Variants in ONECUT2 observed in about 807,000 individuals in gnomAD.
The protein encoded by ONECUT2 is one cut homeobox 2.
Under a neutral mutation model 27.9 loss-of-function variants are expected in ONECUT2, and 10 were observed. The observed-to-expected ratio is 0.36, with a 90% confidence interval of 0.22 to 0.61. The LOEUF is 0.61. Among genes scored for constraint, ONECUT2 ranks in the 20% least tolerant of loss-of-function variants. The probability of loss-of-function intolerance (pLI) is 0.73; values close to 1 mark genes in which losing one functional copy is unlikely to be tolerated. For missense variants in ONECUT2, 686 were observed against 721.0 expected (o/e 0.95, Z 0.56); for synonymous variants, 334 against 315.1 (o/e 1.06, Z -0.64).
Position 57,486,147 on chromosome 18 carries a change from G to C in ONECUT2, c.*9424G>C. 1 of 152,838 alleles carries C rather than the reference G, an allele frequency of 6.5e-6. No individual in the cohort carries two copies. Among genetic ancestry groups the C allele is most frequent in the Non-Finnish European group, 1.5e-5 (1 of 68,202 alleles). The allele number at this position is 152,838 out of a possible 1,614,324, so 9.5% of individuals were successfully genotyped here. A position where few individuals can be genotyped will look rare whatever the true frequency, so the allele number is the denominator to read the frequency against. ...TCCCCACTTGGCAGACCTCTCCTCA[G>C]CAATCCCCCCAGCCTCATGCTTCAC... On this transcript the variant is annotated 3_prime_UTR_variant, in exon 2 of 2. Coordinates refer to ENST00000491143, the MANE Select transcript of ONECUT2 (RefSeq NM_004852.3).
chr18:57,490,211 G>C lies in ONECUT2; in HGVS notation c.*13488G>C, dbSNP rs2050458319. The C allele has an allele frequency of 6.6e-6, 1 of 152,070 alleles. No homozygotes were observed. Among genetic ancestry groups the C allele is most frequent in the African/African-American group, 2.4e-5 (1 of 41,394 alleles). The allele number at this position is 152,070 out of a possible 1,614,324, so 9.4% of individuals were successfully genotyped here. On this transcript the variant is annotated 3_prime_UTR_variant, in exon 2 of 2. Transcript: ENST00000491143. ...GATACTGTAGATCCTTCCTTGGTCAGTGAATTATTACAAGAGGAGCTATCC... is the reference window on the plus strand; with the variant it reads ...GATACTGTAGATCCTTCCTTGGTCACTGAATTATTACAAGAGGAGCTATCC...
At chr18:57,460,910 C>T (rs112800809) in intron 1 of ONECUT2, among the ~76,000 whole-genome samples, 1 of 152,072 alleles carries the variant, frequency 6.6e-6, no homozygotes, top group African/African-American at 2.4e-5. Flanking sequence ...AGGCTGGTCT[C>T]AAATGCCTGA....
intron 1 of ONECUT2, among the ~76,000 whole-genome samples, chr18:57,462,565 T>C (rs990756367): frequency 2.0e-5 from 3 of 151,874 alleles, no homozygotes; most frequent in African/African-American, 7.3e-5. Context: ...CTTCTTAAAA[T>C]TGTTTTTTGT....
rs186386413 is a variant in ONECUT2 at position 57,436,268 on chromosome 18, C to G, written c.552C>G (p.His184Gln). ...CGCACCACCACCACCACCACCACCACCAGCGCCTGTCCGGCAACGTCAGCG... is the reference window on the plus strand; with the variant it reads ...CGCACCACCACCACCACCACCACCAGCAGCGCCTGTCCGGCAACGTCAGCG... Reference protein sequence around the residue: ...HHPHHHHHHHHQRLSGNVSGS... With the variant: ...HHPHHHHHHHQQRLSGNVSGS... Residue 184 changes from histidine to glutamine, a missense_variant, in exon 1 of 2, where the codon CAC becomes CAG. His to Gln is a conservative substitution (Grantham distance 24). Around this residue, in one of 4 missense-constraint regions of ONECUT2, gnomAD observed 511 missense variants for 488.1 expected, o/e 1.05. Transcript: ENST00000491143. This position sits in a 1 kb window ranked among gnomAD's most constrained non-coding sequence, Gnocchi z 5.9. 17 of 1,603,098 alleles carry G rather than the reference C, an allele frequency of 1.1e-5. 1 individual carries two copies. Among genetic ancestry groups the G allele is most frequent in the African/African-American group, 4.0e-5 (3 of 74,944 alleles).
rs751318843 is a variant in ONECUT2, at chr18:57,436,728, G to T, written c.1012G>T (p.Val338Leu). 16 of 1,613,928 alleles carry T rather than the reference G, an allele frequency of 9.9e-6. No homozygotes were observed. Among genetic ancestry groups the T allele is most frequent in the Non-Finnish European group, 1.3e-5 (15 of 1,180,042 alleles). Reference sequence around the variant, plus strand: ...GCTGGAAGAAATCAACACCAAAGAGGTGGCCCAGCGCATCACAGCGGAGCT... The same window carrying T: ...GCTGGAAGAAATCAACACCAAAGAGTTGGCCCAGCGCATCACAGCGGAGCT... The part of the protein sequence containing the change: ...GQLEEINTKE[V>L]AQRITAELKR... Residue 338 changes from valine (V) to leucine (L), a missense_variant, in exon 1 of 2, where the codon GTG (valine) becomes TTG (leucine). Physicochemically the swap from Val to Leu is conservative, Grantham distance 32. Coordinates refer to ENST00000491143, the MANE Select transcript of ONECUT2 (RefSeq NM_004852.3). This position sits in a 1 kb window ranked among gnomAD's most constrained non-coding sequence, Gnocchi z 5.9.
chr18:57,435,651 C>A lies in ONECUT2; in HGVS notation c.-66C>A. 2.0e-6 allele frequency: 2 copies of A among 1,000,478 alleles called. No individual in the cohort carries two copies. The highest frequency in any genetic ancestry group is 2.4e-6 in the Non-Finnish European group (2 of 836,222). 62.0% of individuals were successfully genotyped at this position (1,000,478 alleles called of 1,614,324 possible). A position where few individuals can be genotyped will look rare whatever the true frequency, so the allele number is the denominator to read the frequency against. ...CCACTCCCGCAGCCGAGCCCCGCCACGCGCGCCTTGCCCGCCCGCCGGCCG... is the reference window on the plus strand; with the variant it reads ...CCACTCCCGCAGCCGAGCCCCGCCAAGCGCGCCTTGCCCGCCCGCCGGCCG... On this transcript the variant is annotated 5_prime_UTR_variant, in exon 1 of 2. Transcript: ENST00000491143.
At chr18:57,438,976 C>T (rs1238889780) in intron 1 of ONECUT2, among the ~76,000 whole-genome samples, 1 of 152,070 alleles carries the variant, frequency 6.6e-6, no homozygotes, top group Non-Finnish European at 1.5e-5. Flanking sequence ...GCACCGGGGA[C>T]CAGAAGGAAC....
chr18:57,476,985 G>C lies in ONECUT2; in HGVS notation c.*262G>C. 2.1e-6 allele frequency: 1 copy of C among 471,002 alleles called. No individual in the cohort carries two copies. Among genetic ancestry groups the C allele is most frequent in the Non-Finnish European group, 3.8e-6 (1 of 266,126 alleles). 29.2% of individuals were successfully genotyped at this position (471,002 alleles called of 1,614,324 possible). On this transcript the variant is annotated 3_prime_UTR_variant, in exon 2 of 2. Coordinates refer to ENST00000491143, the MANE Select transcript of ONECUT2 (RefSeq NM_004852.3). The stretch of plus-strand genomic sequence containing the variant: ...AGACACTGTTCTCTGAGCATGCTAA[G>C]CATCCCAGAAACCCAAATGGGGCCT...
Position 57,435,771 on chromosome 18 carries a change from GC to G in ONECUT2, c.57del (p.Met20Ter). 2 of 1,267,132 alleles carry G rather than the reference GC, an allele frequency of 1.6e-6. No individual in the cohort carries two copies. The highest frequency in any genetic ancestry group is 2.1e-6 in the Non-Finnish European group (2 of 971,834). 78.5% of individuals were successfully genotyped at this position (1,267,132 alleles called of 1,614,324 possible). A position where few individuals can be genotyped will look rare whatever the true frequency, so the allele number is the denominator to read the frequency against. On this transcript the variant is annotated frameshift_variant, in exon 1 of 2. Transcript: ENST00000491143. LOFTEE classifies it high-confidence loss of function. ...CCTCACCAAAGACCTAGAAGGCTGC[GC>G]CATGAACCCGGAGCTGACAATGGAA... ...RCLTKDLEGC[A>X]MNPELTMESL...
chr18:57,465,536 T>C (rs1226052262), intron 1 of ONECUT2, among the ~76,000 whole-genome samples: 2 of 152,280 alleles, frequency 1.3e-5, no homozygotes, highest in Non-Finnish European at 2.9e-5. Flanking sequence ...AATAATTTTC[T>C]GTTCCTGTTT....
intron 1 of ONECUT2, among the ~76,000 whole-genome samples, chr18:57,458,630 A>G (rs2050273094): frequency 6.6e-6 from 1 of 152,166 alleles, no homozygotes; most frequent in Admixed American, 6.5e-5. Context: ...TTGATGGGCA[A>G]TTAGGCTGTT....
In ONECUT2 at chr18:57,436,468, C is replaced by G; in HGVS notation, c.752C>G (p.Pro251Arg). The part of the protein sequence containing the change: ...NAQQSLPNYG[P>R]PGHDKMLSPN... ...CAGCAGAGTCTGCCCAACTACGGTC[C>G]GCCGGGCCACGACAAAATGCTCAGC... Residue 251 changes from proline to arginine, a missense_variant, in exon 1 of 2, where the codon CCG (proline) becomes CGG (arginine). Around this residue, in one of 4 missense-constraint regions of ONECUT2, gnomAD observed 511 missense variants for 488.1 expected, o/e 1.05. Coordinates refer to ENST00000491143, the MANE Select transcript of ONECUT2 (RefSeq NM_004852.3). This position sits in a 1 kb window ranked among gnomAD's most constrained non-coding sequence, Gnocchi z 5.9. 1.2e-6 allele frequency: 2 copies of G among 1,613,162 alleles called. No individual in the cohort carries two copies. The highest frequency in any genetic ancestry group is 1.7e-6 in the Non-Finnish European group (2 of 1,179,820).
At chr18:57,475,059 T>TC (rs997543758) in intron 1 of ONECUT2, among the ~76,000 whole-genome samples, 14 of 148,188 alleles carry the variant, frequency 9.4e-5, no homozygotes, top group African/African-American at 3.5e-4. Context: ...TCAAGTGATT[T>TC]TTTTTTTTTT....
In ONECUT2 at chr18:57,490,455, A is replaced by C. The variant is rs1439654614; in HGVS notation, c.*13732A>C. 1 of 152,238 alleles carries C rather than the reference A, an allele frequency of 6.6e-6. No homozygotes were observed. The highest frequency in any genetic ancestry group is 1.5e-5 in the Non-Finnish European group (1 of 68,054). The allele number at this position is 152,238 out of a possible 1,614,324, so 9.4% of individuals were successfully genotyped here. ...GACTGCTTGATGGTATTGAAAGGTG[A>C]CTATAATGAGGGAAGAAAGGAGGAG... On this transcript the variant is annotated 3_prime_UTR_variant, in exon 2 of 2. Transcript: ENST00000491143.
chr18:57,469,837 T>G (rs1397761861), intron 1 of ONECUT2, among the ~76,000 whole-genome samples: 2 of 152,224 alleles, frequency 1.3e-5, no homozygotes, highest in East Asian at 3.9e-4. Context: ...CCTGGAGTGC[T>G]GGACATTAGC....
chr18:57,440,877 A>G (rs995981216), intron 1 of ONECUT2, among the ~76,000 whole-genome samples: 6 of 152,194 alleles, frequency 3.9e-5, no homozygotes, highest in African/African-American at 1.4e-4. Flanking sequence ...TAGGGATCAG[A>G]GCTGGAGAGG....
chr18:57,473,651 C>CT (rs2050366255), intron 1 of ONECUT2, among the ~76,000 whole-genome samples: 1 of 152,184 alleles, frequency 6.6e-6, no homozygotes, highest in African/African-American at 2.4e-5. Context: ...TCAGCATCAC[C>CT]TGGGTGCTCA....
chr18:57,461,323 C>T (rs564884317), intron 1 of ONECUT2, among the ~76,000 whole-genome samples: 16 of 152,170 alleles, frequency 1.1e-4, no homozygotes, highest in Non-Finnish European at 2.2e-4. Flanking sequence ...AACTCATATG[C>T]CACAGTTAAT....
At chr18:57,446,014 T>G (rs1312065915) in intron 1 of ONECUT2, among the ~76,000 whole-genome samples, 4 of 152,180 alleles carry the variant, frequency 2.6e-5, no homozygotes. Context: ...CAATTGGAGC[T>G]CCCTGCAAAG....
Sources: gnomAD v4.1 joint callset for allele counts (sites outside exome capture counted in the v4.1 genomes callset) on GRCh38, gnomAD v4.1.1 for gene constraint, gnomAD v4.1.1 regional missense constraint, Gnocchi (gnomAD v3.1) non-coding constraint, MANE v1.5 for transcripts, NCBI Gene and HGNC (gene_info 2026-07-23, HGNC 2026-07-21) for gene names.